TRERF1: variants seen among roughly 807,000 people sequenced by gnomAD.
The protein encoded by TRERF1 is transcriptional-regulating factor 1.
Under a neutral mutation model 122.9 loss-of-function variants are expected in TRERF1, and 27 were observed. The observed-to-expected ratio is 0.22, with a 90% CI of 0.16 to 0.30. The LOEUF (loss-of-function observed/expected upper bound fraction) is 0.30. TRERF1 is among the 10% of genes least tolerant of loss of function. The probability of loss-of-function intolerance (pLI) is 1.00; values close to 1 mark genes in which losing one functional copy is unlikely to be tolerated. For synonymous variants in TRERF1, 636 were observed against 641.7 expected (o/e 0.99, Z 0.13); for missense variants, 1,248 against 1,560.3 (o/e 0.80, Z 3.37).
At chr6:42,342,466 C>T (rs1160427179) in intron 3 of TRERF1, among the ~76,000 whole-genome samples, 1 of 152,172 alleles carries the variant, frequency 6.6e-6, no homozygotes, top group Non-Finnish European at 1.5e-5. Flanking sequence ...CCACATCCTT[C>T]TCACCTCTGT....
chr6:42,390,675 C>T (rs1562119613), intron 2 of TRERF1, among the ~76,000 whole-genome samples: 1 of 152,178 alleles, frequency 6.6e-6, no homozygotes, highest in Non-Finnish European at 1.5e-5. Context: ...AAATCACAAC[C>T]GCCCGGCCCT....
chr6:42,434,388 A>C (rs1784931643), intron 2 of TRERF1, among the ~76,000 whole-genome samples: 1 of 152,018 alleles, frequency 6.6e-6, no homozygotes, highest in African/African-American at 2.4e-5. Context: ...TGCTAAAAAA[A>C]AAAACAAAGC....
chr6:42,278,245 T>C (rs1781655041), intron 4 of TRERF1, among the ~76,000 whole-genome samples: 1 of 152,214 alleles, frequency 6.6e-6, no homozygotes, highest in Non-Finnish European at 1.5e-5. Context: ...ATGCACGCAG[T>C]GTAGAGACCA....
intron 3 of TRERF1, among the ~76,000 whole-genome samples, chr6:42,327,243 G>GC (rs1157945523): frequency 6.6e-6 from 1 of 152,174 alleles, no homozygotes; most frequent in Non-Finnish European, 1.5e-5. Context: ...CTGCATCTGT[G>GC]CCCCACTGTG....
intron 2 of TRERF1, among the ~76,000 whole-genome samples, chr6:42,368,863 G>C (rs1430991629): frequency 6.6e-6 from 1 of 152,176 alleles, no homozygotes; most frequent in East Asian, 1.9e-4. Flanking sequence ...TGGTATGTAA[G>C]AAGTTTATGA....
At chr6:42,361,341 T>C (rs1486880536) in intron 3 of TRERF1, among the ~76,000 whole-genome samples, 2 of 152,264 alleles carry the variant, frequency 1.3e-5, no homozygotes, top group Non-Finnish European at 2.9e-5. Context: ...CATTCTGTTA[T>C]AATAGCCCAA....
At chr6:42,346,259 C>A (rs1380646933) in intron 3 of TRERF1, among the ~76,000 whole-genome samples, 8 of 152,222 alleles carry the variant, frequency 5.3e-5, no homozygotes, top group African/African-American at 1.9e-4. Context: ...ACTACCGATT[C>A]CCCTGCCCCT....
intron 4 of TRERF1, among the ~76,000 whole-genome samples, chr6:42,274,623 G>T (rs1324020398): frequency 6.6e-6 from 1 of 152,008 alleles, no homozygotes; most frequent in East Asian, 1.9e-4. Context: ...AGGTTGCAGT[G>T]AGCCGAGATC....
chr6:42,239,163 C>T (rs927826932), intron 15 of TRERF1, among the ~76,000 whole-genome samples: 1 of 152,186 alleles, frequency 6.6e-6, no homozygotes, highest in Admixed American at 6.5e-5. Context: ...TTTCCCAAGG[C>T]CCCCATCAAT....
intron 2 of TRERF1, among the ~76,000 whole-genome samples, chr6:42,363,288 C>T (rs1772120299): frequency 6.6e-6 from 1 of 152,222 alleles, no homozygotes; most frequent in Non-Finnish European, 1.5e-5. Context: ...AGACGTTCAA[C>T]TTCATTCTGG....
At chr6:42,349,168 A>G (rs1768913385) in intron 3 of TRERF1, among the ~76,000 whole-genome samples, 1 of 152,058 alleles carries the variant, frequency 6.6e-6, no homozygotes, top group Non-Finnish European at 1.5e-5. Context: ...AATTTGTCCA[A>G]TCCTCTCAGA....
At chr6:42,376,978 T>C (rs1295016779) in intron 2 of TRERF1, among the ~76,000 whole-genome samples, 1 of 151,794 alleles carries the variant, frequency 6.6e-6, no homozygotes, top group Non-Finnish European at 1.5e-5. Flanking sequence ...CGATTCTCCT[T>C]CCTCAGCCTC....
At chr6:42,281,137 G>C (rs976016889) in intron 4 of TRERF1, among the ~76,000 whole-genome samples, 1 of 152,108 alleles carries the variant, frequency 6.6e-6, no homozygotes, top group Non-Finnish European at 1.5e-5. Flanking sequence ...AAACCTGTCT[G>C]GACTTGCTCA....
chr6:42,341,224 C>A (rs1474311867), intron 3 of TRERF1, among the ~76,000 whole-genome samples: 1 of 152,244 alleles, frequency 6.6e-6, no homozygotes, highest in African/African-American at 2.4e-5. Flanking sequence ...CAAGCCTCGG[C>A]CATCTCATCT....
At chr6:42,318,149 G>A (rs1762814365) in intron 3 of TRERF1, among the ~76,000 whole-genome samples, 1 of 149,510 alleles carries the variant, frequency 6.7e-6, no homozygotes, top group African/African-American at 2.5e-5. Context: ...GCGAGACTCT[G>A]TCTCCAAAAA....
chr6:42,261,703 T>G (rs2149804189), intron 8 of TRERF1, among the ~76,000 whole-genome samples: 1 of 152,232 alleles, frequency 6.6e-6, no homozygotes, highest in Non-Finnish European at 1.5e-5. Flanking sequence ...TTCTTTACAT[T>G]AAGTGCCAGG....
At position 42,268,704 on chromosome 6, in the gene TRERF1, C is replaced by A. The variant is rs149607086; in HGVS notation, c.887G>T (p.Arg296Leu). The change falls in exon 5 of 18, where the codon CGC becomes CTC. Residue 296 changes from arginine (R) to leucine (L), a missense_variant. Physicochemically the swap from Arg to Leu is moderately radical, Grantham distance 102. Coordinates refer to ENST00000372922, the Ensembl canonical transcript of TRERF1. The surrounding 1 kb of genome is among the most constrained non-coding windows in gnomAD (Gnocchi z 4.4). ...TGGCGGCGGCTGTGGCTGTGATGGG[C>A]GAATTTGTTGCGGCTGCGTCTGTAT... The A allele has an allele frequency of 6.2e-7, 1 of 1,614,088 alleles. No individual in the cohort carries two copies. Among genetic ancestry groups the A allele is most frequent in the Non-Finnish European group, 8.5e-7 (1 of 1,180,014 alleles).
intron 7 of TRERF1, among the ~76,000 whole-genome samples, chr6:42,264,144 T>C (rs1778729201): frequency 6.6e-6 from 1 of 152,268 alleles, no homozygotes; most frequent in South Asian, 2.1e-4. Context: ...AGTAACAATA[T>C]TAAAATAATT....
intron 13 of TRERF1, among the ~76,000 whole-genome samples, chr6:42,250,438 C>T (rs907866916): frequency 6.6e-6 from 1 of 152,174 alleles, no homozygotes; most frequent in Non-Finnish European, 1.5e-5. Flanking sequence ...TCTCTCTTTC[C>T]TGGAGTCTGA....
Sources: allele counts gnomAD v4.1 joint callset (sites outside exome capture counted in the v4.1 genomes callset), GRCh38; gene constraint gnomAD v4.1.1; non-coding constraint Gnocchi (gnomAD v3.1); transcripts MANE v1.5; gene names NCBI Gene and HGNC (gene_info 2026-07-23, HGNC 2026-07-21).